The following BMPR2 variants were observed in gnomAD, a reference collection of about 807,000 sequenced individuals.
BMPR2 encodes the protein bone morphogenetic protein receptor type-2.
Under a neutral mutation model 100.8 loss-of-function variants are expected in BMPR2, and 29 were observed. That is an observed-to-expected ratio of 0.29 (90% CI 0.21 to 0.39). BMPR2 has a LOEUF of 0.39. Among genes scored for constraint, BMPR2 ranks in the 10% least tolerant of loss-of-function variants. The probability of loss-of-function intolerance (pLI) is 1.00; values close to 1 mark genes in which losing one functional copy is unlikely to be tolerated. For missense variants in BMPR2, 1,011 were observed against 1,274.5 expected (o/e 0.79, Z 3.15); for synonymous variants, 382 against 442.3 (o/e 0.86, Z 1.71).
intron 1 of BMPR2, among the ~76,000 whole-genome samples, chr2:202,450,979 T>G (rs535725902): frequency 6.6e-6 from 1 of 152,296 alleles, no homozygotes; most frequent in South Asian, 2.1e-4. Context: ...GTTGTTTATT[T>G]TAGATAGTTC....
chr2:202,473,473 T>C (rs1175529664), intron 3 of BMPR2, among the ~76,000 whole-genome samples: 2 of 151,416 alleles, frequency 1.3e-5, no homozygotes, highest in East Asian at 3.9e-4. Flanking sequence ...AACATAAAAA[T>C]TTTAACAAAA....
At chr2:202,432,761 G>C (rs1691533344) in intron 1 of BMPR2, among the ~76,000 whole-genome samples, 1 of 150,502 alleles carries the variant, frequency 6.6e-6, no homozygotes, top group East Asian at 1.9e-4. Flanking sequence ...CTGTTTCTCA[G>C]ATTCTGATCT....
At chr2:202,487,583 G>A (rs1692804281) in intron 3 of BMPR2, among the ~76,000 whole-genome samples, 1 of 152,136 alleles carries the variant, frequency 6.6e-6, no homozygotes, top group African/African-American at 2.4e-5. Context: ...AAAGTCAAGT[G>A]TTCTATTCTG....
chr2:202,403,293 G>A (rs1442337820), intron 1 of BMPR2, among the ~76,000 whole-genome samples: 2 of 146,000 alleles, frequency 1.4e-5, no homozygotes, highest in African/African-American at 2.5e-5. Context: ...TCCGCCTCCC[G>A]GGTTCAAGCA....
At position 202,520,112 on chromosome 2, in the gene BMPR2, T is replaced by C; in HGVS notation, c.878T>C (p.Leu293Pro). ...PNGSLCKYLS[L>P]HTSDWVSSCR... is the part of the protein sequence containing the mutation. ...GGATCTTTATGCAAGTATTTAAGTC[T>C]CCACACAAGTGACTGGGTAAGCTCT... The change falls in exon 7 of 13, where the codon CTC becomes CCC. Residue 293 changes from leucine to proline, a missense_variant. Leu to Pro is a moderately conservative substitution (Grantham distance 98). This residue lies in a region of BMPR2 where 355 missense variants were observed against 455.3 expected (regional missense o/e 0.78). Coordinates refer to ENST00000374580, the MANE Select transcript of BMPR2 (RefSeq NM_001204.7). 1 of 1,613,284 alleles carries C rather than the reference T, an allele frequency of 6.2e-7. No individual in the cohort carries two copies. The highest frequency in any genetic ancestry group is 8.5e-7 in the Non-Finnish European group (1 of 1,179,636).
At chr2:202,399,688 C>G (rs531341970) in intron 1 of BMPR2, among the ~76,000 whole-genome samples, 13 of 152,310 alleles carry the variant, frequency 8.5e-5, no homozygotes, top group African/African-American at 3.1e-4. Context: ...ATGTGCTAGT[C>G]AAGATGGCCA....
intron 1 of BMPR2, among the ~76,000 whole-genome samples, chr2:202,455,537 C>T (rs1052947548): frequency 2.6e-5 from 4 of 152,122 alleles, no homozygotes; most frequent in African/African-American, 4.8e-5. Flanking sequence ...ACACAAAAGA[C>T]GTTAGTCTTA....
At chr2:202,430,330 C>G (rs1691478954) in intron 1 of BMPR2, among the ~76,000 whole-genome samples, 2 of 152,154 alleles carry the variant, frequency 1.3e-5, no homozygotes, top group Admixed American at 6.6e-5. Context: ...GTGCTACAGT[C>G]TTTTTGTTTT....
intron 3 of BMPR2, among the ~76,000 whole-genome samples, chr2:202,512,606 GCT>G (rs1368954455): frequency 6.6e-6 from 1 of 152,108 alleles, no homozygotes; most frequent in Non-Finnish European, 1.5e-5. Flanking sequence ...AGTTGTACTT[GCT>G]CTCTTTTGGA....
rs769269608 is a variant in BMPR2, at chr2:202,532,157, G to A, written c.1129-428G>A. ...GGGGTTTCACTGTGTTAGCCAGGAT[G>A]GTCTCGATCTCCTGACCTTGAGATC... On this transcript the variant is annotated intron_variant, in intron 8 of 12. Coordinates refer to ENST00000374580, the MANE Select transcript of BMPR2 (RefSeq NM_001204.7). This position sits in a 1 kb window ranked among gnomAD's most constrained non-coding sequence, Gnocchi z 4.1. Among the ~76,000 whole-genome samples the A allele has an allele frequency of 6.8e-6, 1 of 146,844 alleles. No individual in the cohort carries two copies. The highest frequency in any genetic ancestry group is 1.5e-5 in the Non-Finnish European group (1 of 66,948).
At chr2:202,535,945 G>A (rs1487175293) in intron 9 of BMPR2, among the ~76,000 whole-genome samples, 4 of 151,768 alleles carry the variant, frequency 2.6e-5, no homozygotes, top group African/African-American at 4.8e-5. Context: ...GTGGCGGCGC[G>A]TGCCTGCAAT....
At chr2:202,537,948 C>T (rs1688193800) in intron 9 of BMPR2, among the ~76,000 whole-genome samples, 1 of 151,002 alleles carries the variant, frequency 6.6e-6, no homozygotes, top group African/African-American at 2.4e-5. Context: ...CATGGTGAAA[C>T]CCCGCTCTAC....
At chr2:202,461,156 T>A (rs990318845) in intron 1 of BMPR2, among the ~76,000 whole-genome samples, 5 of 152,156 alleles carry the variant, frequency 3.3e-5, no homozygotes, top group African/African-American at 1.2e-4. Context: ...ACCAAACTTT[T>A]TATATTGAAA....
intron 3 of BMPR2, among the ~76,000 whole-genome samples, chr2:202,510,287 G>A (rs1411492030): frequency 2.0e-5 from 3 of 152,150 alleles, no homozygotes; most frequent in Admixed American, 6.5e-5. Context: ...GTGTGGTGGC[G>A]CGTGCCTGTA....
In BMPR2 at chr2:202,532,721, A is replaced by G. The variant is rs768480897; in HGVS notation, c.1265A>G (p.Asp422Gly). ...IYWEIFMRCT[D>G]LFPGESVPEY... is the part of the protein sequence containing the mutation. ...TGGGAGATATTTATGAGATGTACAG[A>G]CCTCTTCCCAGGTAAAAACTACTGT... is the stretch of plus-strand genomic sequence containing the variant. Residue 422 changes from aspartate to glycine, a missense_variant, in exon 9 of 13, where the codon GAC (aspartate) becomes GGC (glycine). By Grantham distance (94) the Asp-to-Gly change is moderately conservative (BLOSUM62 -1). Coordinates refer to ENST00000374580, the MANE Select transcript of BMPR2 (RefSeq NM_001204.7). This position sits in a 1 kb window ranked among gnomAD's most constrained non-coding sequence, Gnocchi z 4.1. 1.2e-6 allele frequency: 2 copies of G among 1,612,762 alleles called. No homozygotes were observed. The highest frequency in any genetic ancestry group is 3.3e-5 in the Admixed American group (2 of 60,020).
At chr2:202,502,195 T>C (rs112883131) in intron 3 of BMPR2, among the ~76,000 whole-genome samples, 5 of 152,190 alleles carry the variant, frequency 3.3e-5, no homozygotes, top group African/African-American at 1.2e-4. Context: ...TCCTAACCTC[T>C]GGGGGAACCC....
chr2:202,400,817 TTTG>T (rs1052024693), intron 1 of BMPR2, among the ~76,000 whole-genome samples: 2 of 152,182 alleles, frequency 1.3e-5, no homozygotes, highest in South Asian at 2.1e-4. Flanking sequence ...GTGAAACATT[TTTG>T]TTTAGTATTT....
intron 1 of BMPR2, among the ~76,000 whole-genome samples, chr2:202,459,901 G>A (rs751643818): frequency 7.2e-5 from 11 of 152,118 alleles, no homozygotes; most frequent in Non-Finnish European, 1.3e-4. Context: ...TCTATAAGGA[G>A]CTTAAACAAA....
At chr2:202,418,497 GC>G (rs1176400332) in intron 1 of BMPR2, among the ~76,000 whole-genome samples, 2 of 152,136 alleles carry the variant, frequency 1.3e-5, no homozygotes, top group African/African-American at 2.4e-5. Context: ...CAGCCCTCAG[GC>G]AATCCTGAGA....
Sources: allele counts gnomAD v4.1 joint callset (sites outside exome capture counted in the v4.1 genomes callset), GRCh38; gene constraint gnomAD v4.1.1; regional missense constraint gnomAD v4.1.1; non-coding constraint Gnocchi (gnomAD v3.1); transcripts MANE v1.5; gene names NCBI Gene and HGNC (gene_info 2026-07-23, HGNC 2026-07-21).